Variants in C1GALT1 observed in about 807,000 individuals in gnomAD.
C1GALT1 encodes the protein core 1 synthase, glycoprotein-N-acetylgalactosamine 3-beta-galactosyltransferase 1, also known as glycoprotein-N-acetylgalactosamine 3-beta-galactosyltransferase 1.
C1GALT1 carries 11 observed loss-of-function variants against 31.0 expected under a neutral mutation model. The ratio of observed to expected loss-of-function variants is 0.36; its 90% CI spans 0.22 to 0.59. The LOEUF is 0.59. Ranked by LOEUF, C1GALT1 falls within the 20% of genes least tolerant of loss-of-function variation. The pLI is 0.79. For synonymous variants in C1GALT1, 175 were observed against 143.6 expected, an observed-to-expected ratio of 1.22 and a Z score of -1.56; for missense variants, 424 against 425.2, an observed-to-expected ratio of 1.00 and a Z score of 0.03.
At chr7:7,157,541 G>T (rs1562549437) in intron 2 of C1GALT1, 1 of 152,094 alleles carries the variant, frequency 6.6e-6, no homozygotes, top group Non-Finnish European at 1.5e-5. Flanking sequence ...AGTCAAGATG[G>T]GTTTATTTTT....
upstream of C1GALT1, among the ~76,000 whole-genome samples, chr7:7,180,513 T>G (rs1780558209): frequency 8.2e-6 from 1 of 122,488 alleles, no homozygotes; most frequent in Non-Finnish European, 1.8e-5. Context: ...TATTCATGAC[T>G]GTTGTTCACT....
chr7:7,238,673 T>C lies in C1GALT1; in HGVS notation c.639T>C (p.Tyr213=). Residue 213 remains tyrosine, a synonymous_variant, in exon 3 of 4, where the codon TAT becomes TAC. Coordinates refer to ENST00000436587, the MANE Select transcript of C1GALT1 (RefSeq NM_020156.5). The surrounding 1 kb of genome is among the most constrained non-coding windows in gnomAD (Gnocchi z 5.2). ...KQGYMSGGAG[Y]VLSKEALKRF... ...GCTACATGAGTGGAGGAGCAGGATA[T>C]GTACTAAGCAAAGAAGCCTTGAAAA... The C allele has an allele frequency of 6.2e-7, 1 of 1,614,086 alleles. No homozygotes were observed. Among genetic ancestry groups the C allele is most frequent in the Non-Finnish European group, 8.5e-7 (1 of 1,179,976 alleles).
At chr7:7,197,676 A>G (rs1781356274) in intron 1 of C1GALT1, among the ~76,000 whole-genome samples, 1 of 152,200 alleles carries the variant, frequency 6.6e-6, no homozygotes, top group Admixed American at 6.5e-5. Context: ...ATCCATGAGC[A>G]TGGAATGTTC....
At chr7:7,221,241 C>T (rs1291955982) in intron 1 of C1GALT1, among the ~76,000 whole-genome samples, 1 of 151,896 alleles carries the variant, frequency 6.6e-6, no homozygotes, top group Non-Finnish European at 1.5e-5. Flanking sequence ...ACTTTGCTTA[C>T]TTTCAGGGAG....
chr7:7,199,088 G>A (rs1377281604), intron 1 of C1GALT1, among the ~76,000 whole-genome samples: 2 of 152,106 alleles, frequency 1.3e-5, no homozygotes, highest in Admixed American at 6.6e-5. Context: ...GCTTCTGAAT[G>A]TGTTTGCTCT....
At chr7:7,225,898 A>G (rs564580481) in intron 1 of C1GALT1, among the ~76,000 whole-genome samples, 1 of 152,332 alleles carries the variant, frequency 6.6e-6, no homozygotes, top group East Asian at 1.9e-4. Context: ...GGGAAAGGAT[A>G]TGGAAAGTTA....
Position 7,244,658 on chromosome 7 carries a change from A to G in C1GALT1, c.*931A>G, listed in dbSNP as rs1297092671. The G allele has an allele frequency of 6.6e-6, 1 of 152,134 alleles. No homozygotes were observed. The highest frequency in any genetic ancestry group is 1.5e-5 in the Non-Finnish European group (1 of 67,986). 9.4% of individuals were successfully genotyped at this position (152,134 alleles called of 1,614,324 possible). On this transcript the variant is annotated 3_prime_UTR_variant, in exon 4 of 4. Transcript: ENST00000436587. ...TAAATTGATATTTTAAACTCTTTCCAACTACATAGTTATGGTTTATTTCAT... is the reference window on the plus strand; with the variant it reads ...TAAATTGATATTTTAAACTCTTTCCGACTACATAGTTATGGTTTATTTCAT...
chr7:7,182,858 A>G (rs1461126101), intron 1 of C1GALT1, 38 bp downstream of exon 1: 3 of 985,120 alleles, frequency 3.0e-6, no homozygotes, highest in Non-Finnish European at 3.6e-6. Context: ...TACGGGTCCA[A>G]GGTCTCGTCT....
At chr7:7,175,349 T>C (rs1209112011) in intron 2 of C1GALT1, among the ~76,000 whole-genome samples, 1 of 152,234 alleles carries the variant, frequency 6.6e-6, no homozygotes, top group Non-Finnish European at 1.5e-5. Flanking sequence ...TAGTTAGCCT[T>C]GCACTGTGCT....
intron 1 of C1GALT1, among the ~76,000 whole-genome samples, chr7:7,198,817 T>G (rs1469188324): frequency 6.6e-6 from 1 of 152,256 alleles, no homozygotes; most frequent in Non-Finnish European, 1.5e-5. Context: ...CTAGTTTATT[T>G]GCATCAAGGT....
chr7:7,202,309 C>T (rs948202879), intron 1 of C1GALT1, among the ~76,000 whole-genome samples: 2 of 152,198 alleles, frequency 1.3e-5, no homozygotes, highest in African/African-American at 4.8e-5. Flanking sequence ...CGGTGTGAGT[C>T]TCCACACACT....
upstream of C1GALT1, among the ~76,000 whole-genome samples, chr7:7,181,218 G>A (rs1454678150): frequency 6.7e-6 from 1 of 149,674 alleles, no homozygotes; most frequent in Admixed American, 6.6e-5. Flanking sequence ...AGGATGTTGC[G>A]GAAAGGTGGA....
chr7:7,210,041 C>T (rs1781919193), intron 1 of C1GALT1, among the ~76,000 whole-genome samples: 1 of 152,110 alleles, frequency 6.6e-6, no homozygotes. Context: ...AAGGGAGGAA[C>T]AGGCCATTTT....
At chr7:7,175,119 G>T (rs1780491739) in intron 2 of C1GALT1, among the ~76,000 whole-genome samples, 1 of 152,084 alleles carries the variant, frequency 6.6e-6, no homozygotes, top group African/African-American at 2.4e-5. Flanking sequence ...CTTTCCTAGG[G>T]GGGTTTGCTG....
chr7:7,242,781 C>T (rs189371184), intron 3 of C1GALT1, among the ~76,000 whole-genome samples: 30 of 152,158 alleles, frequency 2.0e-4, no homozygotes, highest in Non-Finnish European at 4.1e-4. Flanking sequence ...CATAACTGGA[C>T]AAAGGTTTAA....
rs1783895187 is a variant in C1GALT1 at position 7,247,579 on chromosome 7, G to C, written c.*3852G>C. ...GAATATTAATTTTTCACTTCTTTGA[G>C]ACTGTCAAACTATAGTTACTACCAG... On this transcript the variant is annotated 3_prime_UTR_variant, in exon 4 of 4. Transcript: ENST00000436587. 1 of 152,038 alleles carries C rather than the reference G, an allele frequency of 6.6e-6. No individual in the cohort carries two copies. The highest frequency in any genetic ancestry group is 1.5e-5 in the Non-Finnish European group (1 of 67,940). The allele number at this position is 152,038 out of a possible 1,614,324, so 9.4% of individuals were successfully genotyped here.
intron 1 of C1GALT1, among the ~76,000 whole-genome samples, chr7:7,230,298 A>G (rs903723154): frequency 1.3e-5 from 2 of 152,216 alleles, no homozygotes; most frequent in Non-Finnish European, 2.9e-5. Context: ...ATGTAAAATC[A>G]TAAATGTAGA....
At chr7:7,186,697 A>G (rs1780831631) in intron 1 of C1GALT1, among the ~76,000 whole-genome samples, 2 of 152,254 alleles carry the variant, frequency 1.3e-5, no homozygotes, top group South Asian at 4.1e-4. Flanking sequence ...AGTGAGCCAT[A>G]TGAGCACCTG....
In C1GALT1 at chr7:7,167,495, AT is replaced by A. The variant is rs1780410995; in HGVS notation, c.-18+10073del. Among the ~76,000 whole-genome samples the A allele has an allele frequency of 1.3e-5, 2 of 152,232 alleles. 1 individual carries two copies. Among genetic ancestry groups the A allele is most frequent in the South Asian group, 4.1e-4 (2 of 4,826 alleles). On this transcript the variant is annotated intron_variant, in intron 2 of 3. Coordinates refer to the C1GALT1 transcript ENST00000429911. ...AAACAATGATAAATCTCCCATGTTTATTTTCTAAAGAATACTGTTAAGAGTA... is the reference window on the plus strand; with the variant it reads ...AAACAATGATAAATCTCCCATGTTTATTTCTAAAGAATACTGTTAAGAGTA...
Sources: allele counts gnomAD v4.1 joint callset (sites outside exome capture counted in the v4.1 genomes callset), GRCh38; gene constraint gnomAD v4.1.1; non-coding constraint Gnocchi (gnomAD v3.1); transcripts MANE v1.5; gene names NCBI Gene and HGNC (gene_info 2026-07-23, HGNC 2026-07-21).